The following UGT1A7 variants were observed in gnomAD, a reference collection of about 807,000 sequenced individuals.
UGT1A7 encodes UDP glucuronosyltransferase family 1 member A7.
Under a neutral mutation model 45.6 loss-of-function variants are expected in UGT1A7, and 33 were observed. That is an observed-to-expected ratio of 0.72 (90% CI 0.55 to 0.97). UGT1A7 has a LOEUF of 0.97. UGT1A7 is among the 50% of genes least tolerant of loss of function. The probability of loss-of-function intolerance (pLI) is 0.00; values close to 1 mark genes in which losing one functional copy is unlikely to be tolerated. For synonymous variants in UGT1A7, 274 were observed against 250.6 expected, an observed-to-expected ratio of 1.09 and a Z score of -0.88; for missense variants, 684 against 666.2, an observed-to-expected ratio of 1.03 and a Z score of -0.29.
chr2:233,730,050 A>G (rs763653483), intron 1 of UGT1A7: 3 of 1,612,234 alleles, frequency 1.9e-6, no homozygotes, highest in Non-Finnish European at 1.7e-6. Context: ...TTTTAAAAAA[A>G]TGTATTTATT....
Position 233,682,092 on chromosome 2 carries a change from G to C in UGT1A7, c.155G>C (p.Gly52Ala). Residue 52 changes from glycine to alanine, a missense_variant, in exon 1 of 5, where the codon GGG becomes GCG. Transcript: ENST00000373426. ...QSVVEKLILR[G>A]HEVVVVMPEV... ...GTGGTGGAGAAACTCATCCTCAGGGGGCATGAGGTGGTCGTAGTCATGCCA... is the reference window on the plus strand; with the variant it reads ...GTGGTGGAGAAACTCATCCTCAGGGCGCATGAGGTGGTCGTAGTCATGCCA... 1 of 1,614,070 alleles carries C rather than the reference G, an allele frequency of 6.2e-7. No homozygotes were observed. Among genetic ancestry groups the C allele is most frequent in the Non-Finnish European group, 8.5e-7 (1 of 1,180,006 alleles).
intron 1 of UGT1A7, among the ~76,000 whole-genome samples, chr2:233,736,821 G>A (rs1368702103): frequency 6.6e-6 from 1 of 152,198 alleles, no homozygotes; most frequent in Non-Finnish European, 1.5e-5. Flanking sequence ...CACTCCAGAT[G>A]CTCTTTGCTT....
chr2:233,693,979 G>A, intron 1 of UGT1A7: 1 of 1,559,558 alleles, frequency 6.4e-7, no homozygotes. Context: ...AGAAACGGTG[G>A]GGGGAAGTGA....
At chr2:233,739,918 T>C (rs1575632669) in intron 1 of UGT1A7, among the ~76,000 whole-genome samples, 1 of 151,914 alleles carries the variant, frequency 6.6e-6, no homozygotes, top group East Asian at 1.9e-4. Flanking sequence ...GTAATTTCCA[T>C]AATCCCCATG....
chr2:233,713,333 G>A, intron 1 of UGT1A7: 3 of 1,614,196 alleles, frequency 1.9e-6, no homozygotes, highest in Non-Finnish European at 1.7e-6. Flanking sequence ...CTAGAAGAAT[G>A]GCAATTATGA....
chr2:233,754,416 A>G, intron 1 of UGT1A7: 1 of 342,596 alleles, frequency 2.9e-6, no homozygotes, highest in South Asian at 2.4e-5. Flanking sequence ...AACAATAAAG[A>G]CAGGCATTGG....
chr2:233,742,455 G>T (rs1191068486), intron 1 of UGT1A7, among the ~76,000 whole-genome samples: 6 of 151,916 alleles, frequency 3.9e-5, no homozygotes, highest in African/African-American at 1.5e-4. Context: ...GGTGTTCCTT[G>T]CCCTTATTCC....
chr2:233,772,111 T>C (rs1459691465), intron 4 of UGT1A7, 151 bp from the exon 5 acceptor site: 1 of 1,527,060 alleles, frequency 6.5e-7, no homozygotes, highest in East Asian at 2.5e-5. Context: ...AGACTCTGTA[T>C]CTAAAAACAA....
At chr2:233,736,231 C>G (rs570595506) in intron 1 of UGT1A7, among the ~76,000 whole-genome samples, 1 of 152,102 alleles carries the variant, frequency 6.6e-6, no homozygotes, top group African/African-American at 2.4e-5. Flanking sequence ...TTTTCTCTAA[C>G]CTTGTCTTCT....
intron 1 of UGT1A7, among the ~76,000 whole-genome samples, chr2:233,702,723 C>T (rs2075703214): frequency 6.6e-6 from 1 of 152,078 alleles, no homozygotes; most frequent in Admixed American, 6.5e-5. Flanking sequence ...TTGAAATGAA[C>T]ATGGTTTTCT....
intron 1 of UGT1A7, chr2:233,690,424 A>C (rs1327436019): frequency 8.0e-7 from 1 of 1,244,126 alleles, no homozygotes; most frequent in African/African-American, 1.5e-5. Flanking sequence ...ACCTTCATGC[A>C]CATCTTTGGG....
intron 1 of UGT1A7, chr2:233,729,601 G>C: frequency 3.1e-6 from 5 of 1,614,032 alleles, no homozygotes; most frequent in Non-Finnish European, 4.2e-6. Context: ...CCTCTGCGCG[G>C]CAGTGCTGGC....
At chr2:233,752,552 G>C (rs942776893) in intron 1 of UGT1A7, 3 of 152,120 alleles carry the variant, frequency 2.0e-5, no homozygotes, top group Admixed American at 1.3e-4. Flanking sequence ...GCTCTTGCTG[G>C]GACAACATAG....
chr2:233,756,969 C>T (rs1044581590), intron 1 of UGT1A7, among the ~76,000 whole-genome samples: 2 of 151,840 alleles, frequency 1.3e-5, no homozygotes, highest in African/African-American at 2.4e-5. Context: ...TTGGTAAGCA[C>T]GCAATGAACA....
At chr2:233,728,696 G>T (rs930449968) in intron 1 of UGT1A7, among the ~76,000 whole-genome samples, 26 of 152,206 alleles carry the variant, frequency 1.7e-4, no homozygotes, top group African/African-American at 6.3e-4. Context: ...TCAAGGGTTA[G>T]CAAATAGGGT....
chr2:233,724,777 C>T (rs924774520), intron 1 of UGT1A7, among the ~76,000 whole-genome samples: 6 of 142,286 alleles, frequency 4.2e-5, no homozygotes, highest in African/African-American at 8.1e-5. Flanking sequence ...CAGAGACACT[C>T]CTCACTTCCC....
At chr2:233,713,363 A>T (rs753739474) in intron 1 of UGT1A7, 20 of 1,614,076 alleles carry the variant, frequency 1.2e-5, no homozygotes, top group East Asian at 2.2e-5. Context: ...CTTTGATCAT[A>T]CATAGGTCTT....
chr2:233,733,069 G>A (rs899757131), intron 1 of UGT1A7, among the ~76,000 whole-genome samples: 2 of 152,108 alleles, frequency 1.3e-5, no homozygotes, highest in African/African-American at 4.8e-5. Context: ...TCTCTTTGTA[G>A]CAATTGTGAA....
chr2:233,724,196 G>C (rs2125699234), intron 1 of UGT1A7, among the ~76,000 whole-genome samples: 1 of 131,752 alleles, frequency 7.6e-6, no homozygotes, highest in Admixed American at 7.2e-5. Context: ...CGGGGTGGCT[G>C]GCCGGGCTGA....
Sources: allele counts gnomAD v4.1 joint callset (sites outside exome capture counted in the v4.1 genomes callset), GRCh38; gene constraint gnomAD v4.1.1; transcripts MANE v1.5; gene names NCBI Gene and HGNC (gene_info 2026-07-23, HGNC 2026-07-21).